DENND1B: variants seen among roughly 807,000 people sequenced by gnomAD.
DENND1B encodes the protein DENN domain-containing protein 1B.
Under a neutral mutation model 90.1 loss-of-function variants are expected in DENND1B, and 59 were observed. That is an observed-to-expected ratio of 0.65 (90% CI 0.53 to 0.81). The LOEUF (loss-of-function observed/expected upper bound fraction) is 0.81, where lower values mean the gene tolerates loss of function less well. DENND1B is among the 40% of genes least tolerant of loss of function. The pLI, the probability that DENND1B is intolerant of heterozygous loss-of-function variation, is 0.00. For missense variants in DENND1B, 862 were observed against 912.6 expected, an observed-to-expected ratio of 0.94 and a Z score of 0.71; for synonymous variants, 337 against 324.6, an observed-to-expected ratio of 1.04 and a Z score of -0.41.
intron 2 of DENND1B, among the ~76,000 whole-genome samples, chr1:197,727,232 A>T (rs1661721031): frequency 1.3e-5 from 2 of 152,062 alleles, no homozygotes; most frequent in Non-Finnish European, 2.9e-5. Context: ...ATTTTCACCC[A>T]TTTTTCTTAA....
chr1:197,589,760 T>A (rs1279748903), intron 14 of DENND1B, among the ~76,000 whole-genome samples: 3 of 152,190 alleles, frequency 2.0e-5, no homozygotes, highest in Non-Finnish European at 4.4e-5. Context: ...TACTAACCAA[T>A]CTTTATTCTT....
At chr1:197,553,266 C>T (rs1027171354) in intron 15 of DENND1B, among the ~76,000 whole-genome samples, 154 bp from the exon 16 acceptor site, 1 of 152,126 alleles carries the variant, frequency 6.6e-6, no homozygotes, top group Non-Finnish European at 1.5e-5. Context: ...TATATATACA[C>T]ACACACAAGA....
chr1:197,582,965 C>A (rs1674375801), intron 15 of DENND1B, among the ~76,000 whole-genome samples, 187 bp downstream of exon 15: 2 of 152,102 alleles, frequency 1.3e-5, no homozygotes, highest in South Asian at 4.1e-4. Flanking sequence ...TTTTTAATAG[C>A]AAAGTTATTA....
At position 197,509,680 on chromosome 1, in the gene DENND1B, G is replaced by C. The variant is rs1053404478; in HGVS notation, c.*780C>G. ...TTATGTTGTATTTGGCTTTCTTGGG[G>C]TGGACCCCTAAATAGCAAAGGCATA... On this transcript the variant is annotated 3_prime_UTR_variant, in exon 23 of 23. Coordinates refer to ENST00000620048, the MANE Select transcript of DENND1B (RefSeq NM_001195215.2). 2.0e-5 allele frequency: 3 copies of C among 149,656 alleles called. No homozygotes were observed. Among genetic ancestry groups the C allele is most frequent in the African/African-American group, 7.4e-5 (3 of 40,612 alleles). The allele number at this position is 149,656 out of a possible 1,614,324, so 9.3% of individuals were successfully genotyped here.
At chr1:197,623,423 G>T (rs1678353625) in intron 10 of DENND1B, among the ~76,000 whole-genome samples, 1 of 151,180 alleles carries the variant, frequency 6.6e-6, no homozygotes, top group Admixed American at 6.6e-5. Context: ...ACCAAAAACG[G>T]GAGCAGCAGG....
At chr1:197,555,734 G>T (rs1412686833) in intron 15 of DENND1B, among the ~76,000 whole-genome samples, 6 of 152,010 alleles carry the variant, frequency 3.9e-5, no homozygotes, top group Non-Finnish European at 7.4e-5. Flanking sequence ...TGGAGAAAGG[G>T]AACACTTATA....
chr1:197,761,743 T>C (rs554641847), intron 2 of DENND1B: 1 of 152,098 alleles, frequency 6.6e-6, no homozygotes. Context: ...TCTGGAATCA[T>C]ATATATCTGC....
At chr1:197,609,088 A>C (rs1488971632) in intron 12 of DENND1B, among the ~76,000 whole-genome samples, 1 of 150,286 alleles carries the variant, frequency 6.7e-6, no homozygotes, top group Non-Finnish European at 1.5e-5. Flanking sequence ...TGGTATATAA[A>C]ATGGTACCTC....
chr1:197,590,266 A>C (rs1675079042), intron 14 of DENND1B, among the ~76,000 whole-genome samples: 1 of 152,122 alleles, frequency 6.6e-6, no homozygotes, highest in African/African-American at 2.4e-5. Flanking sequence ...GCGAACACCA[A>C]AGCACTAATA....
intron 3 of DENND1B, among the ~76,000 whole-genome samples, chr1:197,706,095 A>G (rs1375288228): frequency 2.0e-5 from 3 of 152,182 alleles, no homozygotes; most frequent in African/African-American, 7.2e-5. Context: ...GAACTGCTTT[A>G]AACACATACT....
chr1:197,529,266 G>GTA (rs1558206033), intron 20 of DENND1B, among the ~76,000 whole-genome samples: 1 of 21,832 alleles, frequency 4.6e-5, no homozygotes, highest in African/African-American at 1.1e-4. Flanking sequence ...GTGTGTGTGT[G>GTA]TGTATATGTA....
At chr1:197,747,041 C>G in intron 2 of DENND1B, 1 of 804,280 alleles carries the variant, frequency 1.2e-6, no homozygotes, top group Admixed American at 1.7e-5. Flanking sequence ...TCAAATCAAT[C>G]ATTGACTCCA....
chr1:197,593,050 T>C (rs919443749), intron 14 of DENND1B, among the ~76,000 whole-genome samples: 1 of 151,736 alleles, frequency 6.6e-6, no homozygotes, highest in African/African-American at 2.4e-5. Context: ...TTGGTTGATA[T>C]TAAAAAAAGG....
At chr1:197,724,326 A>C (rs1661438654) in intron 2 of DENND1B, among the ~76,000 whole-genome samples, 1 of 152,134 alleles carries the variant, frequency 6.6e-6, no homozygotes, top group Non-Finnish European at 1.5e-5. Flanking sequence ...ACCATGCATG[A>C]CCTTTCTTTC....
Position 197,562,857 on chromosome 1 carries a change from C to G in DENND1B, c.1150-9745G>C, listed in dbSNP as rs376402022. Among the ~76,000 whole-genome samples the G allele has an allele frequency of 8.3e-4, 126 of 152,012 alleles. 1 individual carries two copies. The highest frequency in any genetic ancestry group is 2.8e-3 in the African/African-American group (116 of 41,522). ...GGAAATGGAAAGTGCTACTGCAGTGCCCACACGAATGACAAGAAGGTGAAA... is the reference window on the plus strand; with the variant it reads ...GGAAATGGAAAGTGCTACTGCAGTGGCCACACGAATGACAAGAAGGTGAAA... On this transcript the variant is annotated intron_variant, in intron 15 of 22. Coordinates refer to ENST00000620048, the MANE Select transcript of DENND1B (RefSeq NM_001195215.2).
At chr1:197,559,695 T>G (rs1672004357) in intron 15 of DENND1B, among the ~76,000 whole-genome samples, 1 of 147,440 alleles carries the variant, frequency 6.8e-6, no homozygotes, top group African/African-American at 2.5e-5. Flanking sequence ...AAATTTGCCT[T>G]TTTATATAAT....
intron 20 of DENND1B, among the ~76,000 whole-genome samples, chr1:197,526,123 T>G (rs1004589604): frequency 1.3e-5 from 2 of 152,026 alleles, no homozygotes; most frequent in African/African-American, 4.8e-5. Flanking sequence ...CAGCTCAAAT[T>G]ATAAGATCCT....
At chr1:197,542,989 C>T (rs1047661319) in intron 18 of DENND1B, among the ~76,000 whole-genome samples, 27 of 151,902 alleles carry the variant, frequency 1.8e-4, no homozygotes, top group African/African-American at 2.4e-4. Context: ...GGCTGGAGTG[C>T]AGTGGCACAA....
At chr1:197,563,875 G>A (rs954524902) in intron 15 of DENND1B, among the ~76,000 whole-genome samples, 12 of 151,896 alleles carry the variant, frequency 7.9e-5, no homozygotes, top group African/African-American at 2.9e-4. Flanking sequence ...GGAAAAAGTT[G>A]ATTCCAACCA....
Sources: gnomAD v4.1 joint callset for allele counts (sites outside exome capture counted in the v4.1 genomes callset) on GRCh38, gnomAD v4.1.1 for gene constraint, MANE v1.5 for transcripts, NCBI Gene and HGNC (gene_info 2026-07-23, HGNC 2026-07-21) for gene names.